The following PEX26 variants were observed in gnomAD, a reference collection of about 807,000 sequenced individuals.
PEX26 encodes the protein peroxisome assembly protein 26.
Under a neutral mutation model 31.4 loss-of-function variants are expected in PEX26, and 18 were observed. That is an observed-to-expected ratio of 0.57 (90% CI 0.40 to 0.85). The LOEUF is 0.85. PEX26 is among the 40% of genes least tolerant of loss of function. The pLI, the probability that PEX26 is intolerant of heterozygous loss-of-function variation, is 0.00. For missense variants in PEX26, 377 were observed against 383.9 expected, an observed-to-expected ratio of 0.98 and a Z score of 0.15; for synonymous variants, 176 against 166.9, an observed-to-expected ratio of 1.05 and a Z score of -0.42.
intron 4 of PEX26, among the ~76,000 whole-genome samples, 161 bp downstream of exon 4, chr22:18,085,419 A>G (rs1468564251): frequency 6.6e-6 from 1 of 152,144 alleles, no homozygotes; most frequent in African/African-American, 2.4e-5. Context: ...TAGACTGGGC[A>G]TGAGCCAGCC....
At chr22:18,085,991 T>C (rs927258581) in intron 4 of PEX26, among the ~76,000 whole-genome samples, 4 of 152,120 alleles carry the variant, frequency 2.6e-5, no homozygotes, top group Admixed American at 1.3e-4. Context: ...GAAAAACTCA[T>C]ACATTTTAGA....
At position 18,099,588 on chromosome 22, in the gene PEX26, C is replaced by G. The variant is rs1252318098; in HGVS notation, c.*11513C>G. 2 of 152,190 alleles carry G rather than the reference C, an allele frequency of 1.3e-5. No individual in the cohort carries two copies. The highest frequency in any genetic ancestry group is 2.9e-5 in the Non-Finnish European group (2 of 68,030). The allele number at this position is 152,190 out of a possible 1,614,324, so 9.4% of individuals were successfully genotyped here. On this transcript the variant is annotated 3_prime_UTR_variant, in exon 5 of 5. Transcript: ENST00000399744. The stretch of plus-strand genomic sequence containing the variant: ...TTACCTATTCAGCTTCCAACATTAT[C>G]ACTTCCTTACTACACACATTTGTTT...
Position 18,092,354 on chromosome 22 carries a change from G to A in PEX26, c.*4279G>A, listed in dbSNP as rs1397294871. 6.6e-6 allele frequency: 1 copy of A among 152,144 alleles called. No individual in the cohort carries two copies. Among genetic ancestry groups the A allele is most frequent in the Non-Finnish European group, 1.5e-5 (1 of 68,072 alleles). 9.4% of individuals were successfully genotyped at this position (152,144 alleles called of 1,614,324 possible). On this transcript the variant is annotated 3_prime_UTR_variant, in exon 5 of 5. Coordinates refer to ENST00000399744, the MANE Select transcript of PEX26 (RefSeq NM_001127649.3). The stretch of plus-strand genomic sequence containing the variant: ...CTGCCTCTGGAAACCTCAGTGTTTC[G>A]GGCTGGTAGGAAGCTACAGGACAGA...
rs978351012 is a variant in PEX26, at chr22:18,092,012, C to T, written c.*3937C>T. On this transcript the variant is annotated 3_prime_UTR_variant, in exon 5 of 5. Coordinates refer to ENST00000399744, the MANE Select transcript of PEX26 (RefSeq NM_001127649.3). ...CACTTAAAGCAGCCCAAGGAACTGT[C>T]AGAAAGCGAAAGTGATGACATGAAC... 1 of 152,304 alleles carries T rather than the reference C, an allele frequency of 6.6e-6. No homozygotes were observed. Among genetic ancestry groups the T allele is most frequent in the African/African-American group, 2.4e-5 (1 of 41,458 alleles). The allele number at this position is 152,304 out of a possible 1,614,324, so 9.4% of individuals were successfully genotyped here.
chr22:18,103,221 G>C lies in PEX26; in HGVS notation c.*15146G>C, dbSNP rs468235. 0.11 allele frequency: 16,300 copies of C among 150,650 alleles called. 1,101 individuals are homozygous for C. The highest frequency in any genetic ancestry group is 0.19 in the African/African-American group (7,789 of 41,222). The allele number at this position is 150,650 out of a possible 1,614,324, so 9.3% of individuals were successfully genotyped here. A position where few individuals can be genotyped will look rare whatever the true frequency, so the allele number is the denominator to read the frequency against. ...AGGTGGCTTGATGGACACAAACATA[G>C]ATAGAAGGAGTGAGTTCTAATGCTT... On this transcript the variant is annotated 3_prime_UTR_variant, in exon 5 of 5. Coordinates refer to ENST00000399744, the MANE Select transcript of PEX26 (RefSeq NM_001127649.3).
rs1927483435 is a variant in PEX26 at position 18,102,620 on chromosome 22, T to C, written c.*14545T>C. The C allele has an allele frequency of 6.6e-6, 1 of 152,638 alleles. No individual in the cohort carries two copies. Among genetic ancestry groups the C allele is most frequent in the African/African-American group, 2.4e-5 (1 of 41,432 alleles). 9.5% of individuals were successfully genotyped at this position (152,638 alleles called of 1,614,324 possible). A position where few individuals can be genotyped will look rare whatever the true frequency, so the allele number is the denominator to read the frequency against. On this transcript the variant is annotated 3_prime_UTR_variant, in exon 5 of 5. Coordinates refer to ENST00000399744, the MANE Select transcript of PEX26 (RefSeq NM_001127649.3). Reference sequence around the variant, plus strand: ...TATAATAACCAGAACATGTCATCCATGGTAATGTCTGCTACATATCCAACC... The same window carrying C: ...TATAATAACCAGAACATGTCATCCACGGTAATGTCTGCTACATATCCAACC...
At chr22:18,078,654 T>C (rs2123644807) in intron 1 of PEX26, 48 bp downstream of exon 1, 1 of 1,523,002 alleles carries the variant, frequency 6.6e-7, no homozygotes, top group Non-Finnish European at 8.9e-7. Context: ...GCTCTTGTGG[T>C]GGGGCTCAAG....
rs189338024 is a variant in PEX26 at position 18,094,922 on chromosome 22, C to G, written c.*6847C>G. Reference sequence around the variant, plus strand: ...ATCATTTTAGAGACAGCAAAACAGACTCAGAGGGGCTAATGTGCCCAGTGC... The same window carrying G: ...ATCATTTTAGAGACAGCAAAACAGAGTCAGAGGGGCTAATGTGCCCAGTGC... On this transcript the variant is annotated 3_prime_UTR_variant, in exon 5 of 5. Transcript: ENST00000399744. 2.0e-5 allele frequency: 3 copies of G among 152,098 alleles called. No individual in the cohort carries two copies. Among genetic ancestry groups the G allele is most frequent in the Admixed American group, 6.5e-5 (1 of 15,274 alleles). The allele number at this position is 152,098 out of a possible 1,614,324, so 9.4% of individuals were successfully genotyped here.
intron 2 of PEX26, chr22:18,081,608 A>G: frequency 6.0e-6 from 1 of 166,646 alleles, no homozygotes; most frequent in East Asian, 1.9e-4. Flanking sequence ...ACTTGGCACA[A>G]CTTGCTTAGG....
rs955328353 is a variant in PEX26, at chr22:18,095,471, C to T, written c.*7396C>T. Reference sequence around the variant, plus strand: ...TTTTGGTCGCCCCACCAGAGACATCCTACCCATTCCCAGTCCCTCTGTGGG... The same window carrying T: ...TTTTGGTCGCCCCACCAGAGACATCTTACCCATTCCCAGTCCCTCTGTGGG... On this transcript the variant is annotated 3_prime_UTR_variant, in exon 5 of 5. Transcript: ENST00000399744. 3 of 152,126 alleles carry T rather than the reference C, an allele frequency of 2.0e-5. No individual in the cohort carries two copies. Among genetic ancestry groups the T allele is most frequent in the African/African-American group, 7.2e-5 (3 of 41,446 alleles). The allele number at this position is 152,126 out of a possible 1,614,324, so 9.4% of individuals were successfully genotyped here. A position where few individuals can be genotyped will look rare whatever the true frequency, so the allele number is the denominator to read the frequency against.
rs1395578268 is a variant in PEX26, at chr22:18,095,663, G to A, written c.*7588G>A. 1 of 150,662 alleles carries A rather than the reference G, an allele frequency of 6.6e-6. No individual in the cohort carries two copies. The highest frequency in any genetic ancestry group is 2.4e-5 in the African/African-American group (1 of 40,944). The allele number at this position is 150,662 out of a possible 1,614,324, so 9.3% of individuals were successfully genotyped here. ...GTGCTAAAGACAATGGCTAAAAGAT[G>A]TGCTCTATTAATCCTCCCAGGAAAC... On this transcript the variant is annotated 3_prime_UTR_variant, in exon 5 of 5. Transcript: ENST00000399744.
chr22:18,083,312 C>T (rs534719169), intron 2 of PEX26, 125 bp from the exon 3 acceptor site: 225 of 959,478 alleles, frequency 2.3e-4, no homozygotes, highest in African/African-American at 2.1e-3. Context: ...ATCATTTCAT[C>T]GGAAAGGGCT....
intron 4 of PEX26, among the ~76,000 whole-genome samples, chr22:18,086,437 C>A (rs1926846005): frequency 6.6e-6 from 1 of 152,250 alleles, no homozygotes; most frequent in Admixed American, 6.5e-5. Flanking sequence ...TGCTTTCAAG[C>A]ATGGCCTTAA....
chr22:18,078,036 C>T lies in PEX26; in HGVS notation c.-341C>T. ...AGCGCAAAGATGTCCGCGCCCGCTG[C>T]CGGGAGGCGAGGTGAGTCTTTGATC... is the stretch of plus-strand genomic sequence containing the variant. On this transcript the variant is annotated 5_prime_UTR_variant, in exon 1 of 5. Transcript: ENST00000399744. The T allele has an allele frequency of 2.0e-6, 1 of 493,254 alleles. No homozygotes were observed. The highest frequency in any genetic ancestry group is 1.5e-5 in the South Asian group (1 of 64,522). The allele number at this position is 493,254 out of a possible 1,614,324, so 30.6% of individuals were successfully genotyped here. A position where few individuals can be genotyped will look rare whatever the true frequency, so the allele number is the denominator to read the frequency against.
intron 1 of PEX26, chr22:18,079,224 G>A (rs537619622): frequency 1.0e-6 from 1 of 985,372 alleles, no homozygotes; most frequent in South Asian, 4.7e-5. Context: ...GGCTTGCATT[G>A]CTCTTTCTAA....
Position 18,079,920 on chromosome 22 carries a change from C to A in PEX26, c.277C>A (p.Leu93Met), listed in dbSNP as rs1438726246. 6.2e-7 allele frequency: 1 copy of A among 1,614,126 alleles called. No homozygotes were observed. The highest frequency in any genetic ancestry group is 8.5e-7 in the Non-Finnish European group (1 of 1,180,006). The change falls in exon 2 of 5, where the codon CTG becomes ATG. Residue 93 changes from leucine (L) to methionine (M), a missense_variant. Leu to Met is a conservative substitution (Grantham distance 15). Transcript: ENST00000399744. ...CCTGTGTGTTGTGGGGATCCAGGCCCTGGCAGAAATGGATCGGTGGCAAGA... is the reference window on the plus strand; with the variant it reads ...CCTGTGTGTTGTGGGGATCCAGGCCATGGCAGAAATGGATCGGTGGCAAGA... ...CSLCVVGIQALAEMDRWQEVL... is the reference protein window; with the variant it reads ...CSLCVVGIQAMAEMDRWQEVL...
intron 1 of PEX26, chr22:18,078,930 T>G: frequency 4.2e-6 from 2 of 480,526 alleles, no homozygotes; most frequent in Non-Finnish European, 4.0e-6. Flanking sequence ...CCCAGGTACC[T>G]CCGCCCTCCC....
At position 18,078,936 on chromosome 22, in the gene PEX26, C is replaced by T. The variant is rs149609551; in HGVS notation, c.230+330C>T. 3.4e-3 allele frequency: 1,573 copies of T among 462,650 alleles called. 15 individuals are homozygous for T. Among genetic ancestry groups the T allele is most frequent in the African/African-American group, 0.027 (1,386 of 50,846 alleles). 28.7% of individuals were successfully genotyped at this position (462,650 alleles called of 1,614,324 possible). A position where few individuals can be genotyped will look rare whatever the true frequency, so the allele number is the denominator to read the frequency against. Reference sequence around the variant, plus strand: ...AAGTCCTCTCCCAGGTACCTCCGCCCTCCCCGCCCCGCCCAAGGTTGTTTA... The same window carrying T: ...AAGTCCTCTCCCAGGTACCTCCGCCTTCCCCGCCCCGCCCAAGGTTGTTTA... On this transcript the variant is annotated intron_variant, in intron 1 of 4. Transcript: ENST00000399744.
chr22:18,083,696 T>C lies in PEX26; in HGVS notation c.631T>C (p.Ser211Pro), dbSNP rs1458539453. Residue 211 changes from serine to proline, a missense_variant, in exon 3 of 5, where the codon TCA (serine) becomes CCA (proline). Coordinates refer to ENST00000399744, the MANE Select transcript of PEX26 (RefSeq NM_001127649.3). ...TARQQQKQEH[S>P]GSEEAQKPNL... ...GAGGCAGCAGCAGAAACAGGAACAC[T>C]CAGGCTCTGAGGAGGCCCAGAAGCC... 6.2e-7 allele frequency: 1 copy of C among 1,614,048 alleles called. No individual in the cohort carries two copies. Among genetic ancestry groups the C allele is most frequent in the East Asian group, 2.2e-5 (1 of 44,882 alleles).
Sources: allele counts gnomAD v4.1 joint callset (sites outside exome capture counted in the v4.1 genomes callset), GRCh38; gene constraint gnomAD v4.1.1; transcripts MANE v1.5; gene names NCBI Gene and HGNC (gene_info 2026-07-23, HGNC 2026-07-21).